Variants in PIN4 observed in about 807,000 individuals in gnomAD.
The protein encoded by PIN4 is peptidyl-prolyl cis-trans isomerase NIMA-interacting 4.
PIN4 carries 3 observed loss-of-function variants against 8.3 expected under a neutral mutation model. The observed-to-expected ratio is 0.36, with a 90% confidence interval of 0.16 to 0.93. The LOEUF (loss-of-function observed/expected upper bound fraction) is 0.93. PIN4 is among the 40% of genes least tolerant of loss of function. The pLI, the probability that PIN4 is intolerant of heterozygous loss-of-function variation, is 0.44. For missense variants in PIN4, 75 were observed against 100.6 expected, an observed-to-expected ratio of 0.75 and a Z score of 1.09; for synonymous variants, 18 against 32.5, an observed-to-expected ratio of 0.55 and a Z score of 1.52.
intron 1 of PIN4, among the ~76,000 whole-genome samples, chrX:72,182,167 C>A (rs987152716): frequency 3.6e-5 from 4 of 112,671 alleles, no homozygotes; most frequent in Non-Finnish European, 5.6e-5. Context: ...TACAGAATGA[C>A]ATGCCCACCA....
chrX:72,197,106 A>G, intron 3 of PIN4: 1 of 455,082 alleles, frequency 2.2e-6, no homozygotes, highest in South Asian at 4.7e-5. Context: ...TGTAAATAGT[A>G]GAATAAGGGT....
intron 3 of PIN4, among the ~76,000 whole-genome samples, chrX:72,234,633 T>C (rs2147605899): frequency 9.0e-6 from 1 of 111,226 alleles, no homozygotes; most frequent in Non-Finnish European, 1.9e-5. Context: ...GAAGTCCTTA[T>C]ACCAGTGAGT....
intron 3 of PIN4, among the ~76,000 whole-genome samples, chrX:72,217,484 G>A (rs2042892977): frequency 9.0e-6 from 1 of 111,723 alleles, no homozygotes; most frequent in Non-Finnish European, 1.9e-5. Context: ...AATAGAGTAC[G>A]GAGCTGACAG....
chrX:72,207,675 T>C lies in PIN4; in HGVS notation c.312+10771T>C, dbSNP rs774459688. On this transcript the variant is annotated intron_variant, in intron 3 of 3. Coordinates refer to the PIN4 transcript ENST00000423432. Reference sequence around the variant, plus strand: ...GTCGTATCCAAATAATTAAATCATTTTTCCTGGAAAGGGAAGGCATTTCAC... The same window carrying C: ...GTCGTATCCAAATAATTAAATCATTCTTCCTGGAAAGGGAAGGCATTTCAC... The C allele has an allele frequency of 3.2e-5, 39 of 1,209,095 alleles. No individual in the cohort carries two copies. The South Asian group carries it at 5.8e-4, about 18-fold the overall frequency.
chrX:72,206,269 T>C, intron 3 of PIN4: 1 of 1,208,417 alleles, frequency 8.3e-7, no homozygotes, highest in South Asian at 1.8e-5. Flanking sequence ...AAAGCTTTTT[T>C]CCATTCCCAA....
chrX:72,188,546 A>G (rs1436161910), intron 2 of PIN4, among the ~76,000 whole-genome samples: 1 of 111,430 alleles, frequency 9.0e-6, no homozygotes, highest in East Asian at 2.8e-4. Context: ...TTTAGTAGAG[A>G]TGAGGTTTCA....
At chrX:72,194,267 G>A (rs1462609539) in intron 2 of PIN4, among the ~76,000 whole-genome samples, 1 of 111,328 alleles carries the variant, frequency 9.0e-6, no homozygotes, top group South Asian at 3.8e-4. Flanking sequence ...GGGTATGGTG[G>A]CTCATGTCTG....
chrX:72,192,166 T>C (rs935758449), intron 2 of PIN4, among the ~76,000 whole-genome samples: 12 of 111,423 alleles, frequency 1.1e-4, no homozygotes, highest in African/African-American at 3.6e-4. Context: ...TTGGCCAGGC[T>C]GGTCTCCAAT....
intron 3 of PIN4, among the ~76,000 whole-genome samples, chrX:72,262,315 T>C (rs1471580451): frequency 1.8e-5 from 2 of 112,034 alleles, no homozygotes; most frequent in African/African-American, 6.5e-5. Context: ...CCCATGACAA[T>C]CTGCCCCCTT....
Position 72,234,058 on chromosome X carries a change from TGA to T in PIN4, c.313-28646_313-28645del, listed in dbSNP as rs747066978. 3.2e-3 allele frequency among the ~76,000 whole-genome samples: 348 copies of T among 108,643 alleles called. 1 individual carries two copies. The highest frequency in any genetic ancestry group is 0.011 in the African/African-American group (329 of 29,881). The allele number at this position is 108,643 out of a possible 115,157, so 94.3% of individuals were successfully genotyped here. On this transcript the variant is annotated intron_variant, in intron 3 of 3. Coordinates refer to the PIN4 transcript ENST00000423432. ...CTGGGAGGCAGAGGTTGCAGTGAGCTGAGATTGCGCCACTGCACTCCAGCCTG... is the reference window on the plus strand; with the variant it reads ...CTGGGAGGCAGAGGTTGCAGTGAGCTGATTGCGCCACTGCACTCCAGCCTG...
At chrX:72,220,576 C>T (rs1370821763) in intron 3 of PIN4, among the ~76,000 whole-genome samples, 1 of 110,879 alleles carries the variant, frequency 9.0e-6, no homozygotes, top group African/African-American at 3.3e-5. Context: ...CCCAAGATAA[C>T]CCCCCTCTGG....
At chrX:72,252,367 C>G (rs1322750095) in intron 3 of PIN4, among the ~76,000 whole-genome samples, 1 of 107,587 alleles carries the variant, frequency 9.3e-6, no homozygotes, top group Non-Finnish European at 1.9e-5. Context: ...CCACTTAGTG[C>G]CTGGCCTCCA....
In PIN4 at chrX:72,198,251, T is replaced by C. The variant is rs1310182148; in HGVS notation, c.*725T>C. 1 of 729,182 alleles carries C rather than the reference T, an allele frequency of 1.4e-6. No individual in the cohort carries two copies. Among genetic ancestry groups the C allele is most frequent in the Non-Finnish European group, 1.6e-6 (1 of 617,242 alleles). The allele number at this position is 729,182 out of a possible 1,213,427, so 60.1% of individuals were successfully genotyped here. A position where few individuals can be genotyped will look rare whatever the true frequency, so the allele number is the denominator to read the frequency against. On this transcript the variant is annotated 3_prime_UTR_variant, in exon 4 of 4. Coordinates refer to ENST00000373669, the MANE Select transcript of PIN4 (RefSeq NM_006223.4). The stretch of plus-strand genomic sequence containing the variant: ...TTCTGTGCATCTAAATTTTTAAAAT[T>C]TAAAATGCCATATTTATGACATATA...
At chrX:72,258,746 A>G (rs1315668720) in intron 3 of PIN4, among the ~76,000 whole-genome samples, 2 of 111,201 alleles carry the variant, frequency 1.8e-5, no homozygotes, top group African/African-American at 6.5e-5. Context: ...GCGAAGAAGG[A>G]TGTAAATGAT....
chrX:72,186,499 G>C lies in PIN4; in HGVS notation c.82G>C (p.Ala28Pro). The C allele has an allele frequency of 8.3e-7, 1 of 1,203,214 alleles. No individual in the cohort carries two copies. Among genetic ancestry groups the C allele is most frequent in the African/African-American group, 1.7e-5 (1 of 57,627 alleles). The change falls in exon 2 of 4, where the codon GCT becomes CCT. Residue 28 changes from alanine (A) to proline (P), a missense_variant. Transcript: ENST00000373669. The part of the protein sequence containing the change: ...ASGSDSADKK[A>P]QGPKGGGNAV... Reference sequence around the variant, plus strand: ...TGGGAGTGACAGTGCTGACAAGAAGGCTCAAGGTCCCAAAGGTGGTGGCAA... The same window carrying C: ...TGGGAGTGACAGTGCTGACAAGAAGCCTCAAGGTCCCAAAGGTGGTGGCAA...
intron 1 of PIN4, among the ~76,000 whole-genome samples, chrX:72,184,789 C>T (rs1432986193): frequency 9.0e-6 from 1 of 111,085 alleles, no homozygotes; most frequent in Non-Finnish European, 1.9e-5. Flanking sequence ...TTTTGTGTGC[C>T]AGGCATTGTG....
chrX:72,203,681 C>CCCAA (rs1317997583), intron 3 of PIN4, among the ~76,000 whole-genome samples: 1 of 111,608 alleles, frequency 9.0e-6, no homozygotes, highest in Non-Finnish European at 1.9e-5. Context: ...TCGGTTTCAC[C>CCCAA]CCAACCATGT....
chrX:72,201,955 T>C (rs1032437748), downstream of PIN4, among the ~76,000 whole-genome samples: 2 of 112,608 alleles, frequency 1.8e-5, no homozygotes, highest in Admixed American at 9.4e-5. Context: ...TTTTTGGGAG[T>C]TTAAATATCC....
downstream of PIN4, chrX:72,198,868 A>C (rs1478283979): frequency 5.5e-5 from 6 of 109,485 alleles, no homozygotes; most frequent in East Asian, 1.7e-3. Context: ...CCTCTTAAAA[A>C]AAAAGAAAGA....
Sources: gnomAD v4.1 joint callset for allele counts (sites outside exome capture counted in the v4.1 genomes callset) on GRCh38, gnomAD v4.1.1 for gene constraint, MANE v1.5 for transcripts, NCBI Gene and HGNC (gene_info 2026-07-23, HGNC 2026-07-21) for gene names.